The following CPAP variants were observed in gnomAD, a reference collection of about 807,000 sequenced individuals.
The protein encoded by CPAP is centrosome assembly and centriole elongation protein.
At chr13:24,919,833 G>A in the CPAP span, among the ~76,000 whole-genome samples, 2 of 152,288 alleles carry the variant, frequency 1.3e-5, no homozygotes, top group African/African-American at 4.8e-5. Context: ...GCACAATCAC[G>A]GCTCACGGCA....
the CPAP span, chr13:24,905,547 T>C: frequency 6.2e-7 from 1 of 1,614,190 alleles, no homozygotes; most frequent in African/African-American, 1.3e-5. Context: ...AGGATACCTA[T>C]TTCATTATTA....
chr13:24,910,280 G>C, the CPAP span, among the ~76,000 whole-genome samples: 1 of 152,246 alleles, frequency 6.6e-6, no homozygotes, highest in Admixed American at 6.5e-5. Flanking sequence ...CTGAAGTGCA[G>C]TGGTGCGATC....
chr13:24,922,707 C>T, the CPAP span: 1 of 152,316 alleles, frequency 6.6e-6, no homozygotes, highest in Non-Finnish European at 1.5e-5. Flanking sequence ...CCGTCCATCT[C>T]CGGCGCAGGG....
chr13:24,885,726 A>T, the CPAP span: 1,919 of 1,210,408 alleles, frequency 1.6e-3, 19 homozygotes, highest in East Asian at 0.023. Flanking sequence ...AAATTTTATT[A>T]GTATGATCAC....
chr13:24,882,870 C>G, the CPAP span: 10 of 296,900 alleles, frequency 3.4e-5, no homozygotes, highest in Non-Finnish European at 5.1e-5. Flanking sequence ...TCCTGTACTT[C>G]TTGGTTTTTT....
At chr13:24,920,485 A>C in the CPAP span, among the ~76,000 whole-genome samples, 2 of 152,068 alleles carry the variant, frequency 1.3e-5, no homozygotes, top group African/African-American at 4.8e-5. Context: ...AAAAATGCCA[A>C]TGTGATGTAC....
At chr13:24,905,256 G>A in the CPAP span, 1 of 1,255,902 alleles carries the variant, frequency 8.0e-7, no homozygotes, top group African/African-American at 1.5e-5. Context: ...GAGCAATAAG[G>A]AAAGTTAGGA....
At chr13:24,920,577 A>AAATAGCC in the CPAP span, among the ~76,000 whole-genome samples, 2 of 152,136 alleles carry the variant, frequency 1.3e-5, no homozygotes, top group African/African-American at 2.4e-5. Flanking sequence ...AGGCAGTAAC[A>AAATAGCC]AAAATAAATA....
chr13:24,896,206 G>C, the CPAP span, among the ~76,000 whole-genome samples: 38 of 152,316 alleles, frequency 2.5e-4, no homozygotes, highest in Admixed American at 2.0e-3. Flanking sequence ...TGATAACCAA[G>C]TACGAACAGG....
the CPAP span, among the ~76,000 whole-genome samples, chr13:24,911,390 A>T: frequency 2.0e-5 from 3 of 152,152 alleles, no homozygotes; most frequent in Admixed American, 6.5e-5. Context: ...GTCATCTCCT[A>T]CCACAGAAAA....
At chr13:24,906,458 G>C in the CPAP span, 1 of 1,614,214 alleles carries the variant, frequency 6.2e-7, no homozygotes, top group South Asian at 1.1e-5. Context: ...TGTTGAAAGA[G>C]GAAGTCTGTC....
chr13:24,892,731 T>C, the CPAP span: 16 of 1,614,008 alleles, frequency 9.9e-6, no homozygotes, highest in Admixed American at 1.7e-5. Context: ...TTCCATCACT[T>C]TTATTTCTTC....
At chr13:24,885,449 T>A in the CPAP span, 1 of 1,260,724 alleles carries the variant, frequency 7.9e-7, no homozygotes. Flanking sequence ...CAGATTCTGA[T>A]ATAGGGTTCT....
At chr13:24,889,118 C>A in the CPAP span, 1 of 586,442 alleles carries the variant, frequency 1.7e-6, no homozygotes, top group Non-Finnish European at 3.0e-6. Flanking sequence ...TAATTTAAAA[C>A]CGAAGCATGG....
chr13:24,885,241 T>C, the CPAP span: 1 of 1,363,896 alleles, frequency 7.3e-7, no homozygotes, highest in South Asian at 1.2e-5. Flanking sequence ...TGTTTATTTT[T>C]TATAGAATTC....
At chr13:24,933,320 C>A in the CPAP span, among the ~76,000 whole-genome samples, 1 of 152,224 alleles carries the variant, frequency 6.6e-6, no homozygotes, top group Non-Finnish European at 1.5e-5. Flanking sequence ...GGAGGACCAG[C>A]CCTGTTCTCT....
At chr13:24,921,989 G>A in the CPAP span, among the ~76,000 whole-genome samples, 2 of 152,152 alleles carry the variant, frequency 1.3e-5, no homozygotes, top group African/African-American at 4.8e-5. Flanking sequence ...TATATGCCGA[G>A]ATAGGATTAG....
chr13:24,909,089 A>G, the CPAP span, among the ~76,000 whole-genome samples: 3 of 152,372 alleles, frequency 2.0e-5, no homozygotes, highest in African/African-American at 7.2e-5. Context: ...GGTGGTGGGT[A>G]TATCAGTAAT....
At chr13:24,912,000 T>C in the CPAP span, 6 of 1,613,644 alleles carry the variant, frequency 3.7e-6, no homozygotes, top group African/African-American at 6.7e-5. Flanking sequence ...TGTTCTTCCA[T>C]GAGTCTCTGT....
Sources: gnomAD v4.1 joint callset for allele counts (sites outside exome capture counted in the v4.1 genomes callset) on GRCh38, gnomAD v4.1.1 for gene constraint, MANE v1.5 for transcripts, NCBI Gene and HGNC (gene_info 2026-07-23, HGNC 2026-07-21) for gene names.